PTPRM: variants seen among roughly 807,000 people sequenced by gnomAD.
PTPRM encodes the protein receptor-type tyrosine-protein phosphatase mu.
PTPRM carries 47 observed loss-of-function variants against 186.7 expected under a neutral mutation model. That is an observed-to-expected ratio of 0.25 (90% CI 0.20 to 0.32). The LOEUF is 0.32. Ranked by LOEUF, PTPRM falls within the 10% of genes least tolerant of loss-of-function variation. PTPRM has a pLI of 1.00. For missense variants in PTPRM, 1,494 were observed against 1,865.0 expected (o/e 0.80, Z 3.66); for synonymous variants, 668 against 674.9 (o/e 0.99, Z 0.16).
chr18:8,191,241 A>T (rs1013342863), intron 14 of PTPRM, among the ~76,000 whole-genome samples: 1 of 152,196 alleles, frequency 6.6e-6, no homozygotes, highest in African/African-American at 2.4e-5. Flanking sequence ...GTGCCCTGCA[A>T]ACTCTTAATA....
intron 13 of PTPRM, among the ~76,000 whole-genome samples, chr18:8,140,394 A>C (rs1342588883): frequency 1.3e-5 from 2 of 151,776 alleles, no homozygotes; most frequent in Non-Finnish European, 2.9e-5. Context: ...GCCAAGTTGA[A>C]AACCAGCTAA....
intron 31 of PTPRM, among the ~76,000 whole-genome samples, chr18:8,389,554 T>C (rs969083953): frequency 1.3e-5 from 2 of 152,220 alleles, no homozygotes; most frequent in African/African-American, 4.8e-5. Context: ...AGAACCTTGA[T>C]TATTCTTTGG....
intron 21 of PTPRM, among the ~76,000 whole-genome samples, chr18:8,316,800 T>G (rs370790569): frequency 6.6e-6 from 1 of 152,146 alleles, no homozygotes; most frequent in East Asian, 1.9e-4. Context: ...ATGGCAATTT[T>G]GAATCGAGTG....
At chr18:7,669,194 G>A (rs2144466101) in intron 1 of PTPRM, among the ~76,000 whole-genome samples, 1 of 152,216 alleles carries the variant, frequency 6.6e-6, no homozygotes, top group African/African-American at 2.4e-5. Flanking sequence ...AGCTTTCGGA[G>A]GCTTAGGGGA....
chr18:8,156,673 C>T (rs545473509), intron 14 of PTPRM, among the ~76,000 whole-genome samples: 1 of 152,290 alleles, frequency 6.6e-6, no homozygotes, highest in East Asian at 1.9e-4. Flanking sequence ...CAAACATGCA[C>T]CTTGCTCTGT....
intron 2 of PTPRM, among the ~76,000 whole-genome samples, chr18:7,816,822 A>G (rs547471212): frequency 4.0e-4 from 61 of 152,342 alleles, no homozygotes; most frequent in African/African-American, 1.5e-3. Context: ...GGATTGAGTC[A>G]TCATTACAAT....
At chr18:7,959,635 A>G (rs531414707) in intron 7 of PTPRM, among the ~76,000 whole-genome samples, 2 of 152,316 alleles carry the variant, frequency 1.3e-5, no homozygotes, top group South Asian at 4.1e-4. Context: ...AAATATATGC[A>G]CAAGCTCTCC....
chr18:7,989,823 C>G (rs1283314143), intron 7 of PTPRM, among the ~76,000 whole-genome samples: 2 of 152,194 alleles, frequency 1.3e-5, no homozygotes, highest in East Asian at 3.9e-4. Flanking sequence ...ACGGGCCTCA[C>G]CTTTGCTCGC....
At chr18:8,146,025 CTTTT>C (rs33980345) in intron 14 of PTPRM, among the ~76,000 whole-genome samples, 4 of 109,882 alleles carry the variant, frequency 3.6e-5, no homozygotes, top group Admixed American at 9.5e-5. Flanking sequence ...TCTTTCTTTT[CTTTT>C]TTTTTTTTTT....
chr18:7,985,879 G>T (rs551887381), intron 7 of PTPRM, among the ~76,000 whole-genome samples: 37 of 152,178 alleles, frequency 2.4e-4, no homozygotes, highest in African/African-American at 8.2e-4. Flanking sequence ...TAAACTTTAA[G>T]TAGTGTCCAG....
At chr18:7,719,399 G>T (rs1374111404) in intron 1 of PTPRM, among the ~76,000 whole-genome samples, 1 of 151,528 alleles carries the variant, frequency 6.6e-6, no homozygotes, top group Admixed American at 6.6e-5. Flanking sequence ...GGCTGGGAGG[G>T]TGTGGGTGAT....
chr18:7,766,562 T>C (rs948595363), intron 1 of PTPRM, among the ~76,000 whole-genome samples: 1 of 152,176 alleles, frequency 6.6e-6, no homozygotes, highest in African/African-American at 2.4e-5. Context: ...AAGTTATTCA[T>C]AGGGAATGTT....
chr18:8,120,624 T>C (rs2092136655), intron 13 of PTPRM, among the ~76,000 whole-genome samples: 1 of 151,920 alleles, frequency 6.6e-6, no homozygotes, highest in African/African-American at 2.4e-5. Flanking sequence ...GCCTCCCAAG[T>C]AGCTGGGACT....
chr18:8,223,379 G>A (rs2094177209), intron 14 of PTPRM, among the ~76,000 whole-genome samples: 1 of 152,174 alleles, frequency 6.6e-6, no homozygotes, highest in Admixed American at 6.5e-5. Context: ...GTGGCCTAAA[G>A]TTGGATAGAT....
chr18:8,010,564 A>G (rs1161484755), intron 7 of PTPRM, among the ~76,000 whole-genome samples: 1 of 152,174 alleles, frequency 6.6e-6, no homozygotes, highest in Non-Finnish European at 1.5e-5. Context: ...TGAGAAACAA[A>G]TGTTAAAATG....
At chr18:8,347,123 G>C (rs1391496382) in intron 23 of PTPRM, among the ~76,000 whole-genome samples, 1 of 152,176 alleles carries the variant, frequency 6.6e-6, no homozygotes, top group Non-Finnish European at 1.5e-5. Context: ...CCACTCTCGG[G>C]TGCCTTCCTT....
At position 7,572,891 on chromosome 18, in the gene PTPRM, T is replaced by C. The variant is rs1024063977; in HGVS notation, c.73+5000T>C. 2.0e-4 allele frequency among the ~76,000 whole-genome samples: 31 copies of C among 152,226 alleles called. 1 individual carries two copies. Among genetic ancestry groups the C allele is most frequent in the Admixed American group, 1.6e-3 (24 of 15,282 alleles). On this transcript the variant is annotated intron_variant, in intron 1 of 32. Coordinates refer to ENST00000580170, the MANE Select transcript of PTPRM (RefSeq NM_001105244.2). Reference sequence around the variant, plus strand: ...ACAAAATAATGTAAATCTTGCATTATAAGAGGATGTTGCTTTTTTGCTTCC... The same window carrying C: ...ACAAAATAATGTAAATCTTGCATTACAAGAGGATGTTGCTTTTTTGCTTCC...
At chr18:7,943,469 C>T (rs2052324158) in intron 5 of PTPRM, among the ~76,000 whole-genome samples, 2 of 152,146 alleles carry the variant, frequency 1.3e-5, no homozygotes, top group Admixed American at 6.5e-5. Context: ...AGATGCACGA[C>T]CCCTGGACAC....
At chr18:8,121,842 A>G (rs551446936) in intron 13 of PTPRM, 1 of 152,362 alleles carries the variant, frequency 6.6e-6, no homozygotes, top group East Asian at 1.9e-4. Context: ...AAAAGCCTAA[A>G]GTTTGGATCA....
Sources: allele counts gnomAD v4.1 joint callset (sites outside exome capture counted in the v4.1 genomes callset), GRCh38; gene constraint gnomAD v4.1.1; transcripts MANE v1.5; gene names NCBI Gene and HGNC (gene_info 2026-07-23, HGNC 2026-07-21).